The following FOCAD variants were observed in gnomAD, a reference collection of about 807,000 sequenced individuals.
The protein encoded by FOCAD is focadhesin, also known as KIAA1797.
FOCAD carries 198 observed loss-of-function variants against 225.6 expected under a neutral mutation model. The observed-to-expected ratio is 0.88, with a 90% CI of 0.78 to 0.99. FOCAD has a LOEUF of 0.99. Among genes scored for constraint, FOCAD ranks in the 50% least tolerant of loss-of-function variants. The probability of loss-of-function intolerance (pLI) is 0.00; values close to 1 mark genes in which losing one functional copy is unlikely to be tolerated. For synonymous variants in FOCAD, 897 were observed against 755.0 expected, an observed-to-expected ratio of 1.19 and a Z score of -3.08; for missense variants, 2,713 against 2,123.6, an observed-to-expected ratio of 1.28 and a Z score of -5.46.
chr9:20,818,219 CT>C (rs937860929), intron 11 of FOCAD, among the ~76,000 whole-genome samples: 3 of 151,612 alleles, frequency 2.0e-5, no homozygotes, highest in East Asian at 1.9e-4. Flanking sequence ...ATTTTAAAAC[CT>C]TTTTTTTGGG....
chr9:20,913,849 A>G (rs1443774726), intron 23 of FOCAD, among the ~76,000 whole-genome samples: 1 of 152,216 alleles, frequency 6.6e-6, no homozygotes, highest in Non-Finnish European at 1.5e-5. Context: ...ATAATTGGTG[A>G]AGTAGTATAT....
At chr9:20,960,065 T>C (rs1023851668) in intron 35 of FOCAD, among the ~76,000 whole-genome samples, 8 of 152,198 alleles carry the variant, frequency 5.3e-5, no homozygotes, top group African/African-American at 1.9e-4. Flanking sequence ...ATGTTTTTAA[T>C]AGAAAAACAA....
At chr9:20,856,774 G>A (rs1051475942) in intron 15 of FOCAD, among the ~76,000 whole-genome samples, 1 of 152,014 alleles carries the variant, frequency 6.6e-6, no homozygotes, top group Non-Finnish European at 1.5e-5. Context: ...TATGTATGGT[G>A]AGAGATAGGG....
chr9:20,738,636 ACCAC>A (rs1827344724), intron 4 of FOCAD, among the ~76,000 whole-genome samples: 1 of 152,214 alleles, frequency 6.6e-6, no homozygotes, highest in Non-Finnish European at 1.5e-5. Context: ...GAGAAAACAT[ACCAC>A]TGTAGATTGT....
At chr9:20,946,926 CT>C in intron 30 of FOCAD, 106 bp downstream of exon 30, 1 of 1,394,788 alleles carries the variant, frequency 7.2e-7, no homozygotes, top group East Asian at 2.5e-5. Flanking sequence ...TTTTTCATGT[CT>C]AGAACTGAGG....
At chr9:20,779,517 T>G (rs964699146) in intron 9 of FOCAD, among the ~76,000 whole-genome samples, 17 of 152,154 alleles carry the variant, frequency 1.1e-4, no homozygotes, top group African/African-American at 3.4e-4. Flanking sequence ...GAGGCCGAAG[T>G]GGGTGGACCA....
chr9:20,949,181 T>G (rs956140407), intron 32 of FOCAD, among the ~76,000 whole-genome samples: 5 of 152,160 alleles, frequency 3.3e-5, no homozygotes, highest in African/African-American at 1.2e-4. Context: ...TCCACAAATT[T>G]CCCTGCCTGA....
intron 1 of FOCAD, among the ~76,000 whole-genome samples, chr9:20,685,155 C>T (rs2131315091): frequency 6.6e-6 from 1 of 151,278 alleles, no homozygotes; most frequent in East Asian, 1.9e-4. Context: ...CGTTTTATTC[C>T]AGTTTATATG....
chr9:20,968,682 G>A (rs1012994106), intron 35 of FOCAD, among the ~76,000 whole-genome samples: 7 of 151,730 alleles, frequency 4.6e-5, no homozygotes, highest in Non-Finnish European at 7.4e-5. Flanking sequence ...CAGGTGATCT[G>A]CCCACCTCGG....
intron 5 of FOCAD, among the ~76,000 whole-genome samples, chr9:20,756,237 C>A (rs190504716): frequency 1.1e-3 from 168 of 152,122 alleles, no homozygotes; most frequent in African/African-American, 3.9e-3. Flanking sequence ...ATAGCCTGTG[C>A]TTTAGCAAGC....
intron 5 of FOCAD, among the ~76,000 whole-genome samples, chr9:20,753,103 A>G (rs935953282): frequency 6.6e-6 from 1 of 152,194 alleles, no homozygotes; most frequent in East Asian, 1.9e-4. Context: ...TGTTGTCTGC[A>G]AACAGGGACA....
At chr9:20,764,189 A>G (rs1829857335) in intron 6 of FOCAD, among the ~76,000 whole-genome samples, 1 of 152,148 alleles carries the variant, frequency 6.6e-6, no homozygotes, top group Admixed American at 6.5e-5. Context: ...AGTTTTTCCA[A>G]AAATTCATGT....
At chr9:20,838,962 C>T (rs999799338) in intron 15 of FOCAD, among the ~76,000 whole-genome samples, 4 of 152,056 alleles carry the variant, frequency 2.6e-5, no homozygotes, top group Admixed American at 2.0e-4. Flanking sequence ...CTTACTTGCA[C>T]TTACACCAGA....
intron 35 of FOCAD, among the ~76,000 whole-genome samples, chr9:20,954,966 C>T (rs549388539): frequency 3.3e-5 from 5 of 152,112 alleles, no homozygotes; most frequent in African/African-American, 4.8e-5. Flanking sequence ...TGCATGCAAA[C>T]GAGTGTTTTC....
At chr9:20,714,699 C>CCTTT (rs1825185803) in intron 1 of FOCAD, among the ~76,000 whole-genome samples, 1 of 146,942 alleles carries the variant, frequency 6.8e-6, no homozygotes, top group African/African-American at 2.5e-5. Flanking sequence ...TTCCTTCCTT[C>CCTTT]CTCTCTCTTT....
chr9:20,661,861 T>C (rs1375580186), intron 2 of FOCAD, among the ~76,000 whole-genome samples: 1 of 152,158 alleles, frequency 6.6e-6, no homozygotes, highest in Admixed American at 6.5e-5. Context: ...ACCACTGTTA[T>C]TAGTAAAAGC....
At chr9:20,938,285 G>C (rs561973081) in intron 28 of FOCAD, among the ~76,000 whole-genome samples, 45 of 152,232 alleles carry the variant, frequency 3.0e-4, no homozygotes, top group African/African-American at 1.0e-3. Flanking sequence ...GCACACGTAT[G>C]TTTATTGCGG....
At chr9:20,900,107 T>G (rs1832434627) in intron 21 of FOCAD, among the ~76,000 whole-genome samples, 1 of 151,992 alleles carries the variant, frequency 6.6e-6, no homozygotes, top group South Asian at 2.1e-4. Context: ...AATGATAGTT[T>G]CCTTCCCTGA....
intron 19 of FOCAD, 88 bp downstream of exon 19, chr9:20,874,895 A>T: frequency 1.3e-6 from 2 of 1,501,618 alleles, no homozygotes; most frequent in Non-Finnish European, 1.8e-6. Context: ...TACATAGTAT[A>T]GTTTAACCTT....
Sources: allele counts gnomAD v4.1 joint callset (sites outside exome capture counted in the v4.1 genomes callset), GRCh38; gene constraint gnomAD v4.1.1; transcripts MANE v1.5; gene names NCBI Gene and HGNC (gene_info 2026-07-23, HGNC 2026-07-21).